The following BBS9 variants were observed in gnomAD, a reference collection of about 807,000 sequenced individuals.
BBS9 encodes the protein Bardet-Biedl syndrome 9.
Under a neutral mutation model 117.7 loss-of-function variants are expected in BBS9, and 89 were observed. The observed-to-expected ratio is 0.76, with a 90% CI of 0.64 to 0.90. The LOEUF is 0.90. BBS9 is among the 40% of genes least tolerant of loss of function. The pLI is 0.00. For synonymous variants in BBS9, 379 were observed against 370.9 expected, an observed-to-expected ratio of 1.02 and a Z score of -0.25; for missense variants, 982 against 1,042.2, an observed-to-expected ratio of 0.94 and a Z score of 0.80.
chr7:33,247,949 T>C (rs1199339948), intron 5 of BBS9, among the ~76,000 whole-genome samples: 1 of 151,818 alleles, frequency 6.6e-6, no homozygotes, highest in Non-Finnish European at 1.5e-5. Context: ...TTATATTATG[T>C]TATTAACCTT....
At chr7:33,329,978 TA>T (rs1813677799) in intron 9 of BBS9, among the ~76,000 whole-genome samples, 1 of 152,160 alleles carries the variant, frequency 6.6e-6, no homozygotes, top group African/African-American at 2.4e-5. Context: ...TTCATTGATT[TA>T]TAAGAGTTCT....
intron 13 of BBS9, among the ~76,000 whole-genome samples, chr7:33,349,942 G>A (rs1318529845): frequency 6.6e-6 from 1 of 152,094 alleles, no homozygotes; most frequent in African/African-American, 2.4e-5. Context: ...TGCAAAAAGG[G>A]GGTAATGATA....
rs1028914924 is a variant in BBS9, at chr7:33,152,724, A to G, written c.136A>G (p.Met46Val). ...AGATAAAATAATTGTGGGTAGCTTT[A>G]TGGGATACCTAAGGATCTTTAGCCC... is the stretch of plus-strand genomic sequence containing the variant. The part of the protein sequence containing the change: ...GQDKIIVGSF[M>V]GYLRIFSPHP... The change falls in exon 3 of 23, where the codon ATG becomes GTG. Residue 46 changes from methionine to valine, a missense_variant. Met to Val is a conservative substitution (Grantham distance 21). Transcript: ENST00000242067. 1.1e-5 allele frequency: 18 copies of G among 1,612,374 alleles called. No individual in the cohort carries two copies. Among genetic ancestry groups the G allele is most frequent in the Non-Finnish European group, 1.4e-5 (17 of 1,179,512 alleles).
At chr7:33,561,836 A>T (rs1856128296) in intron 21 of BBS9, among the ~76,000 whole-genome samples, 1 of 152,184 alleles carries the variant, frequency 6.6e-6, no homozygotes, top group Non-Finnish European at 1.5e-5. Context: ...CCAGAATAAG[A>T]ACAGTGATTT....
chr7:33,205,916 A>C (rs929887754), intron 5 of BBS9, among the ~76,000 whole-genome samples: 1 of 152,216 alleles, frequency 6.6e-6, no homozygotes, highest in African/African-American at 2.4e-5. Flanking sequence ...ATTAAAGCAG[A>C]TAGCCCACTC....
chr7:33,426,075 G>T (rs1185890469), intron 19 of BBS9, among the ~76,000 whole-genome samples: 6 of 152,134 alleles, frequency 3.9e-5, no homozygotes, highest in Non-Finnish European at 8.8e-5. Context: ...GGCATGAAGA[G>T]AACGGAAACA....
chr7:33,551,603 T>G (rs1326926248), intron 21 of BBS9, among the ~76,000 whole-genome samples: 1 of 152,172 alleles, frequency 6.6e-6, no homozygotes, highest in East Asian at 1.9e-4. Context: ...GAGTGCTTAC[T>G]ATGTTTCAGG....
At chr7:33,315,302 A>T (rs1810244413) in intron 9 of BBS9, among the ~76,000 whole-genome samples, 1 of 152,098 alleles carries the variant, frequency 6.6e-6, no homozygotes, top group Non-Finnish European at 1.5e-5. Context: ...TAGTAGACTC[A>T]TCATTGCAGT....
intron 9 of BBS9, among the ~76,000 whole-genome samples, chr7:33,301,579 T>A (rs1417992083): frequency 6.6e-6 from 1 of 152,174 alleles, no homozygotes; most frequent in Non-Finnish European, 1.5e-5. Flanking sequence ...TCCATTCATG[T>A]TGTTGCAAAT....
chr7:33,596,273 C>CAT (rs1482300679), intron 21 of BBS9, among the ~76,000 whole-genome samples: 2 of 129,120 alleles, frequency 1.5e-5, no homozygotes, highest in African/African-American at 8.1e-5. Flanking sequence ...CACACACACA[C>CAT]ACACACACAC....
chr7:33,407,767 ATGC>A (rs1830313029), intron 19 of BBS9, among the ~76,000 whole-genome samples: 1 of 152,174 alleles, frequency 6.6e-6, no homozygotes, highest in South Asian at 2.1e-4. Context: ...TGATCCGCCA[ATGC>A]TGCTGTCTGA....
At chr7:33,334,066 A>T (rs1302758375) in intron 9 of BBS9, among the ~76,000 whole-genome samples, 1 of 152,192 alleles carries the variant, frequency 6.6e-6, no homozygotes, top group African/African-American at 2.4e-5. Flanking sequence ...TACCAGTAAA[A>T]AGTGTTTTTA....
intron 5 of BBS9, among the ~76,000 whole-genome samples, chr7:33,181,475 C>T (rs1798091035): frequency 6.6e-6 from 1 of 152,174 alleles, no homozygotes; most frequent in South Asian, 2.1e-4. Context: ...CATTAGTACA[C>T]TATTGATGTC....
chr7:33,416,525 G>A (rs908800018), intron 19 of BBS9, among the ~76,000 whole-genome samples: 1 of 151,966 alleles, frequency 6.6e-6, no homozygotes, highest in African/African-American at 2.4e-5. Context: ...TCCCAAGGGG[G>A]CTCTATTGCA....
intron 5 of BBS9, among the ~76,000 whole-genome samples, chr7:33,255,219 G>A (rs1229421305): frequency 6.6e-6 from 1 of 151,938 alleles, no homozygotes; most frequent in African/African-American, 2.4e-5. Flanking sequence ...AAAAATCATT[G>A]CCAATACCAA....
chr7:33,273,777 T>C (rs1412000287), intron 8 of BBS9, 50 bp from the exon 9 acceptor site: 19 of 1,561,138 alleles, frequency 1.2e-5, no homozygotes, highest in Admixed American at 3.4e-5. Context: ...GATATACTTT[T>C]CCAAATGACT....
chr7:33,421,680 G>A (rs917844506), intron 19 of BBS9, among the ~76,000 whole-genome samples: 1 of 152,138 alleles, frequency 6.6e-6, no homozygotes, highest in African/African-American at 2.4e-5. Context: ...TTTTAAAAAT[G>A]ATGGAAACAA....
At chr7:33,534,209 T>A (rs768317277) in intron 21 of BBS9, 33 bp downstream of exon 21, 1 of 1,592,206 alleles carries the variant, frequency 6.3e-7, no homozygotes, top group African/African-American at 1.3e-5. Flanking sequence ...CTAATCACAA[T>A]TGTACTTCTC....
At chr7:33,402,085 G>T (rs1021539132) in intron 19 of BBS9, among the ~76,000 whole-genome samples, 4 of 152,134 alleles carry the variant, frequency 2.6e-5, no homozygotes, top group Non-Finnish European at 5.9e-5. Context: ...ACAGGTCCTG[G>T]TCCTTATGGT....
Sources: allele counts gnomAD v4.1 joint callset (sites outside exome capture counted in the v4.1 genomes callset), GRCh38; gene constraint gnomAD v4.1.1; transcripts MANE v1.5; gene names NCBI Gene and HGNC (gene_info 2026-07-23, HGNC 2026-07-21).